LRIF1: variants seen among roughly 807,000 people sequenced by gnomAD.
The protein encoded by LRIF1 is ligand dependent nuclear receptor interacting factor 1.
Under a neutral mutation model 52.7 loss-of-function variants are expected in LRIF1, and 32 were observed. That is an observed-to-expected ratio of 0.61 (90% confidence interval 0.46 to 0.82). LRIF1 has a LOEUF of 0.82. Among genes scored for constraint, LRIF1 ranks in the 40% least tolerant of loss-of-function variants. The pLI, the probability that LRIF1 is intolerant of heterozygous loss-of-function variation, is 0.00. For synonymous variants in LRIF1, 323 were observed against 317.4 expected, an observed-to-expected ratio of 1.02 and a Z score of -0.19; for missense variants, 887 against 892.0, an observed-to-expected ratio of 0.99 and a Z score of 0.07.
At chr1:110,906,509 A>G in the LRIF1 span, among the ~76,000 whole-genome samples, 1 of 152,188 alleles carries the variant, frequency 6.6e-6, no homozygotes, top group East Asian at 1.9e-4. Flanking sequence ...ATACCACTGC[A>G]CTCCAGCCTG....
chr1:110,931,545 T>C, the LRIF1 span, among the ~76,000 whole-genome samples: 1 of 152,218 alleles, frequency 6.6e-6, no homozygotes. Context: ...TTCTAGATCC[T>C]TGAGGAATCA....
At position 110,951,686 on chromosome 1, in the gene LRIF1, T is replaced by C. The variant is rs923226158; in HGVS notation, c.1198A>G (p.Ser400Gly). The C allele has an allele frequency of 6.2e-7, 1 of 1,614,102 alleles. No individual in the cohort carries two copies. Among genetic ancestry groups the C allele is most frequent in the Non-Finnish European group, 8.5e-7 (1 of 1,180,020 alleles). ...GATATTTCTGTGACTGGACTTGAAC[T>C]CACTGTCTGTAACGTGTCTTTTCTT... ...PVRKDTLQTV[S>G]SSPVTEISRE... Residue 400 changes from serine to glycine, a missense_variant, in exon 2 of 4, where the codon AGT becomes GGT. By Grantham distance (56) the Ser-to-Gly change is moderately conservative. Transcript: ENST00000369763.
At chr1:110,957,904 C>A (rs1454988890) in intron 1 of LRIF1, among the ~76,000 whole-genome samples, 1 of 152,120 alleles carries the variant, frequency 6.6e-6, no homozygotes, top group African/African-American at 2.4e-5. Flanking sequence ...CCATTTCATC[C>A]ATCTTTTCTT....
chr1:110,875,373 G>A, the LRIF1 span, among the ~76,000 whole-genome samples: 3 of 152,184 alleles, frequency 2.0e-5, no homozygotes, highest in Admixed American at 1.3e-4. Flanking sequence ...ATGTTCACAC[G>A]ACAGAATTGA....
chr1:110,900,763 A>C, the LRIF1 span, among the ~76,000 whole-genome samples: 14 of 151,654 alleles, frequency 9.2e-5, no homozygotes, highest in Non-Finnish European at 1.8e-4. Context: ...AAAAAAAAAA[A>C]AACAAAAAAA....
chr1:110,890,436 G>A, the LRIF1 span, among the ~76,000 whole-genome samples: 3 of 152,214 alleles, frequency 2.0e-5, no homozygotes, highest in African/African-American at 7.2e-5. Context: ...GCATGATGGT[G>A]CATGCCTTTA....
the LRIF1 span, among the ~76,000 whole-genome samples, chr1:110,920,437 G>T: frequency 3.9e-4 from 59 of 152,140 alleles, 4 homozygotes; most frequent in African/African-American, 2.4e-5. Flanking sequence ...CAATGTGAAG[G>T]CTACCTAATG....
intron 1 of LRIF1, among the ~76,000 whole-genome samples, chr1:110,963,107 C>A (rs994127991): frequency 6.6e-6 from 1 of 152,212 alleles, no homozygotes; most frequent in Non-Finnish European, 1.5e-5. Context: ...AGTCTTACTT[C>A]TCTCTCTTCA....
In LRIF1 at chr1:110,948,158, T is replaced by C; in HGVS notation, c.2111A>G (p.Glu704Gly). Residue 704 changes from glutamate (E) to glycine (G), a missense_variant, in exon 4 of 4, where the codon GAG (glutamate) becomes GGG (glycine). By Grantham distance (98) the Glu-to-Gly change is moderately conservative. Transcript: ENST00000369763. The stretch of plus-strand genomic sequence containing the variant: ...TGCATTTGAATTCAAAGTGCCTTTC[T>C]CTTGCTTCTCATGGGTATAGTATTC... ...EMEYYTHEKQ[E>G]KGTLNSNAAY... The C allele has an allele frequency of 6.2e-7, 1 of 1,614,116 alleles. No individual in the cohort carries two copies. The highest frequency in any genetic ancestry group is 1.7e-5 in the Admixed American group (1 of 60,024).
chr1:110,903,597 C>G, the LRIF1 span, among the ~76,000 whole-genome samples: 1 of 152,090 alleles, frequency 6.6e-6, no homozygotes, highest in African/African-American at 2.4e-5. Context: ...GTGAAAAGCC[C>G]CTAGGCTCTG....
chr1:110,900,913 T>C, the LRIF1 span, among the ~76,000 whole-genome samples: 1 of 152,176 alleles, frequency 6.6e-6, no homozygotes, highest in Admixed American at 6.5e-5. Flanking sequence ...AATTTAATTA[T>C]CTACGTATAA....
chr1:110,963,708 A>C lies in LRIF1; in HGVS notation c.-20T>G, dbSNP rs1349288233. The C allele has an allele frequency of 6.3e-7, 1 of 1,586,786 alleles. No homozygotes were observed. Among genetic ancestry groups the C allele is most frequent in the Non-Finnish European group, 8.6e-7 (1 of 1,158,990 alleles). On this transcript the variant is annotated 5_prime_UTR_variant, in exon 1 of 4. Transcript: ENST00000369763. ...TGACATTTTAGTGGGGAGAAAGGGG[A>C]CACCTCATCCAGAAAAGTGGGAAGC...
chr1:110,924,554 G>A, the LRIF1 span, among the ~76,000 whole-genome samples: 6 of 152,210 alleles, frequency 3.9e-5, no homozygotes, highest in Non-Finnish European at 5.9e-5. Flanking sequence ...GATCTCGTGA[G>A]AACTCACTGT....
the LRIF1 span, chr1:110,938,732 T>G: frequency 1.2e-3 from 188 of 152,238 alleles, no homozygotes; most frequent in African/African-American, 4.4e-3. Flanking sequence ...GAGAAAGAAA[T>G]AAAGGGCATC....
At chr1:110,929,608 GT>G in the LRIF1 span, among the ~76,000 whole-genome samples, 6 of 152,042 alleles carry the variant, frequency 3.9e-5, no homozygotes, top group African/African-American at 1.5e-4. Flanking sequence ...TTTTTAATGG[GT>G]TTTTTTTCTT....
intron 1 of LRIF1, among the ~76,000 whole-genome samples, chr1:110,960,378 A>T (rs1438495816): frequency 6.6e-6 from 1 of 152,164 alleles, no homozygotes; most frequent in Non-Finnish European, 1.5e-5. Flanking sequence ...CACTGTACAC[A>T]ACAAAATGCA....
rs1658386054 is a variant in LRIF1 at position 110,949,850 on chromosome 1, C to T, written c.1869+1G>A. The T allele has an allele frequency of 6.2e-7, 1 of 1,612,440 alleles. No individual in the cohort carries two copies. The highest frequency in any genetic ancestry group is 8.5e-7 in the Non-Finnish European group (1 of 1,179,026). Reference sequence around the variant, plus strand: ...AGAGCACATTAAAATGTATTACCTACCTGTTTTCTCTCTCCTTCCTTCACC... The same window carrying T: ...AGAGCACATTAAAATGTATTACCTATCTGTTTTCTCTCTCCTTCCTTCACC... On this transcript the variant is annotated splice_donor_variant, in intron 3 of 3. Coordinates refer to ENST00000369763, the MANE Select transcript of LRIF1 (RefSeq NM_018372.4). LOFTEE classifies it high-confidence loss of function.
chr1:110,925,796 T>C, the LRIF1 span, among the ~76,000 whole-genome samples: 3 of 152,238 alleles, frequency 2.0e-5, no homozygotes, highest in African/African-American at 7.2e-5. Flanking sequence ...TGAGATGAAT[T>C]ATCTAGAATG....
the LRIF1 span, among the ~76,000 whole-genome samples, chr1:110,888,345 T>C: frequency 6.6e-6 from 1 of 152,204 alleles, no homozygotes; most frequent in Non-Finnish European, 1.5e-5. Flanking sequence ...CTGTAAACCC[T>C]AGCTGCCTTG....
Sources: allele counts gnomAD v4.1 joint callset (sites outside exome capture counted in the v4.1 genomes callset), GRCh38; gene constraint gnomAD v4.1.1; transcripts MANE v1.5; gene names NCBI Gene and HGNC (gene_info 2026-07-23, HGNC 2026-07-21).